FAM153A: variants seen among roughly 807,000 people sequenced by gnomAD.
The protein encoded by FAM153A is protein FAM153A.
A neutral mutation model predicts 48.1 loss-of-function variants in FAM153A; 12 were observed. That is an observed-to-expected ratio of 0.25 (90% CI 0.16 to 0.40). The LOEUF is 0.40. Among genes scored for constraint, FAM153A ranks in the 10% least tolerant of loss-of-function variants. The pLI, the probability that FAM153A is intolerant of heterozygous loss-of-function variation, is 1.00. For missense variants in FAM153A, 111 were observed against 345.8 expected (o/e 0.32, Z 5.38); for synonymous variants, 36 against 118.2 (o/e 0.30, Z 4.51).
At chr5:177,755,196 C>T (rs961826203), upstream of FAM153A, among the ~76,000 whole-genome samples, 2 of 151,938 alleles carry the variant, frequency 1.3e-5, no homozygotes, top group Middle Eastern at 3.4e-3. Context: ...ATGCACAAGC[C>T]TCAGTAGTCG....
intron 6 of FAM153A, among the ~76,000 whole-genome samples, chr5:177,741,631 C>A (rs939435868): frequency 1.6e-5 from 1 of 60,886 alleles, no homozygotes; most frequent in Non-Finnish European, 3.4e-5. Flanking sequence ...TGAAATGTGA[C>A]AATGTCATTT....
upstream of FAM153A, among the ~76,000 whole-genome samples, chr5:177,781,079 G>T (rs1769597600): frequency 1.1e-5 from 1 of 89,996 alleles, no homozygotes; most frequent in Non-Finnish European, 2.2e-5. Flanking sequence ...TTGATTATTT[G>T]ATTTGAAAGA....
rs376776628 is a variant in FAM153A at position 177,761,597 on chromosome 5, T to G, written c.-56-12898A>C. 4.6e-3 allele frequency among the ~76,000 whole-genome samples: 599 copies of G among 129,552 alleles called. 15 individuals carry two copies. Among genetic ancestry groups the G allele is most frequent in the Admixed American group, 0.033 (411 of 12,556 alleles). 85.0% of individuals were successfully genotyped at this position (129,552 alleles called of 152,430 possible). The stretch of plus-strand genomic sequence containing the variant: ...CCAGGCACCTGGAGCGGAAATGGCC[T>G]GCCCACTTTTGCCCCACCCCAGCCC... On this transcript the variant is annotated intron_variant, in intron 1 of 8. Coordinates refer to the FAM153A transcript ENST00000393518.
At chr5:177,703,060 C>T (rs192854176), downstream of FAM153A, among the ~76,000 whole-genome samples, 1,900 of 152,150 alleles carry the variant, frequency 0.012, 40 homozygotes, top group African/African-American at 0.044. Context: ...AGAAGAGATC[C>T]ACCATCTTCC....
downstream of FAM153A, among the ~76,000 whole-genome samples, chr5:177,709,023 G>C (rs1054404875): frequency 2.1e-5 from 3 of 144,326 alleles, no homozygotes; most frequent in African/African-American, 5.3e-5. Context: ...TGAACCCGGG[G>C]GGCAGAGGTT....
At chr5:177,697,010 T>A in the FAM153A span, among the ~76,000 whole-genome samples, 1 of 151,960 alleles carries the variant, frequency 6.6e-6, no homozygotes, top group Admixed American at 6.5e-5. Flanking sequence ...AGGATTGCAT[T>A]GAAGCTATAG....
intron 1 of FAM153A, among the ~76,000 whole-genome samples, chr5:177,759,332 G>A (rs1160306384): frequency 2.0e-5 from 3 of 151,726 alleles, no homozygotes; most frequent in African/African-American, 7.3e-5. Flanking sequence ...GTGCTGGAGA[G>A]GATGTGGAGA....
In FAM153A at chr5:177,739,109, A is replaced by G. The variant is rs1809899; in HGVS notation, c.562+4T>C. 4.1e-3 allele frequency: 6,526 copies of G among 1,609,570 alleles called. 56 individuals are homozygous for G. Among genetic ancestry groups the G allele is most frequent in the African/African-American group, 9.4e-3 (670 of 71,342 alleles). The stretch of plus-strand genomic sequence containing the variant: ...TAGCAAAAAGGTGATCCCAGAATAC[A>G]TACCGTTGGTTTGGGTGCCTGCGTC... On this transcript the variant is annotated splice_donor_region_variant and intron_variant, in intron 10 of 20. Coordinates refer to ENST00000614127, the Ensembl canonical transcript of FAM153A.
At chr5:177,761,551 A>C (rs2127712458) in intron 1 of FAM153A, among the ~76,000 whole-genome samples, 1 of 149,296 alleles carries the variant, frequency 6.7e-6, no homozygotes, top group East Asian at 2.0e-4. Flanking sequence ...TGCACATGCT[A>C]ATTTAATCCA....
At chr5:177,698,322 A>G in the FAM153A span, among the ~76,000 whole-genome samples, 475 of 152,070 alleles carry the variant, frequency 3.1e-3, 12 homozygotes, top group African/African-American at 0.011. Context: ...TGCAAACAGT[A>G]TAGTTTTCTT....
downstream of FAM153A, among the ~76,000 whole-genome samples, chr5:177,717,478 A>G (rs1209784021): frequency 1.3e-5 from 2 of 151,222 alleles, no homozygotes; most frequent in Admixed American, 6.6e-5. Context: ...AGGCTTCGGC[A>G]ATGATGCTGA....
At chr5:177,758,768 G>A (rs1328902401) in intron 1 of FAM153A, among the ~76,000 whole-genome samples, 1 of 147,866 alleles carries the variant, frequency 6.8e-6, no homozygotes, top group Non-Finnish European at 1.5e-5. Flanking sequence ...AAACTGGCTA[G>A]CCATATGTAG....
the FAM153A span, among the ~76,000 whole-genome samples, chr5:177,697,564 T>G: frequency 8.6e-5 from 13 of 151,978 alleles, no homozygotes; most frequent in Middle Eastern, 3.4e-3. Context: ...TGCTTCTTAC[T>G]GGGGATAGCC....
At chr5:177,700,198 C>T in the FAM153A span, among the ~76,000 whole-genome samples, 1 of 151,850 alleles carries the variant, frequency 6.6e-6, no homozygotes, top group Non-Finnish European at 1.5e-5. Flanking sequence ...CCTTCCCAAC[C>T]CATGAAAGGG....
At chr5:177,723,204 A>G (rs1013843358), downstream of FAM153A, 9 of 135,400 alleles carry the variant, frequency 6.6e-5, no homozygotes, top group African/African-American at 2.4e-4. Flanking sequence ...TAGCATCCCC[A>G]CCGGACCTGT....
At chr5:177,737,993 CCTT>C (rs1004905886) in intron 10 of FAM153A, among the ~76,000 whole-genome samples, 2 of 151,596 alleles carry the variant, frequency 1.3e-5, no homozygotes, top group Admixed American at 1.3e-4. Context: ...TGATGTTTGT[CCTT>C]CTGCCCTTCC....
At chr5:177,739,206 A>T (rs1220491091) in intron 9 of FAM153A, 69 bp from the exon 12 acceptor site, 8 of 1,529,724 alleles carry the variant, frequency 5.2e-6, no homozygotes, top group Non-Finnish European at 7.1e-6. Flanking sequence ...GTCTTTTCTA[A>T]ACTTGGTGCT....
chr5:177,703,667 G>A (rs71601373), downstream of FAM153A, among the ~76,000 whole-genome samples: 27 of 90,022 alleles, frequency 3.0e-4, no homozygotes, highest in African/African-American at 6.2e-4. Context: ...GCATGGTGGG[G>A]GGTGATTGGA....
chr5:177,763,700 AC>A (rs1202076627), intron 1 of FAM153A, among the ~76,000 whole-genome samples, 190 bp from the exon 4 acceptor site: 1 of 148,434 alleles, frequency 6.7e-6, no homozygotes, highest in East Asian at 2.0e-4. Flanking sequence ...CCCTGGGCTG[AC>A]CTTGATGGGG....
Sources: gnomAD v4.1 joint callset for allele counts (sites outside exome capture counted in the v4.1 genomes callset) on GRCh38, gnomAD v4.1.1 for gene constraint, MANE v1.5 for transcripts, NCBI Gene and HGNC (gene_info 2026-07-23, HGNC 2026-07-21) for gene names.